PRDM16: variants seen among roughly 807,000 people sequenced by gnomAD.
The protein encoded by PRDM16 is histone-lysine N-methyltransferase PRDM16.
A neutral mutation model predicts 110.6 loss-of-function variants in PRDM16; 23 were observed. The observed-to-expected ratio is 0.21, with a 90% CI of 0.15 to 0.29. The LOEUF (loss-of-function observed/expected upper bound fraction) is 0.29, where lower values mean the gene tolerates loss of function less well. Among genes scored for constraint, PRDM16 ranks in the 10% least tolerant of loss-of-function variants. The probability of loss-of-function intolerance (pLI) is 1.00; values close to 1 mark genes in which losing one functional copy is unlikely to be tolerated. For missense variants in PRDM16, 1,615 were observed against 1,794.3 expected (o/e 0.90, Z 1.81); for synonymous variants, 799 against 781.8 (o/e 1.02, Z -0.37).
chr1:3,303,253 T>A (rs543894823), intron 3 of PRDM16, among the ~76,000 whole-genome samples: 2 of 151,322 alleles, frequency 1.3e-5, no homozygotes, highest in South Asian at 4.3e-4. Context: ...CCCCTGGTAA[T>A]CATGAATGTC....
rs577310645 is a variant in PRDM16, at chr1:3,082,215, T to C, written c.37+12919T>C. 2.6e-5 allele frequency among the ~76,000 whole-genome samples: 4 copies of C among 152,296 alleles called. No homozygotes were observed. The South Asian group carries it at 8.3e-4, about 32-fold the overall frequency. ...GTGGGAGGCCCCCGCGGCCAGGCCC[T>C]CTGCAGTCAGGTCCTGTGCAGTCAG... On this transcript the variant is annotated intron_variant, in intron 1 of 16. Coordinates refer to ENST00000270722, the MANE Select transcript of PRDM16 (RefSeq NM_022114.4).
At chr1:3,234,611 A>G (rs1639498522) in intron 2 of PRDM16, among the ~76,000 whole-genome samples, 1 of 152,188 alleles carries the variant, frequency 6.6e-6, no homozygotes, top group Admixed American at 6.5e-5. Flanking sequence ...GGGCCCCCGC[A>G]GGCTGGATGG....
At chr1:3,400,283 C>T (rs185943859) in intron 5 of PRDM16, among the ~76,000 whole-genome samples, 3 of 152,334 alleles carry the variant, frequency 2.0e-5, no homozygotes, top group South Asian at 4.1e-4. Context: ...CAGGTCGATG[C>T]GGGGCTTCAG....
intron 1 of PRDM16, among the ~76,000 whole-genome samples, chr1:3,082,852 G>A (rs868299028): frequency 1.2e-4 from 18 of 152,198 alleles, no homozygotes; most frequent in African/African-American, 3.4e-4. Flanking sequence ...CCTGGGTGCT[G>A]CGTGGGAGCA....
chr1:3,424,220 A>C (rs1379844238), intron 12 of PRDM16, among the ~76,000 whole-genome samples: 1 of 152,166 alleles, frequency 6.6e-6, no homozygotes, highest in Non-Finnish European at 1.5e-5. Context: ...TCTTCGTTTC[A>C]GGCATGATTT....
chr1:3,369,884 G>A (rs1186798337), intron 3 of PRDM16, among the ~76,000 whole-genome samples: 2 of 152,206 alleles, frequency 1.3e-5, no homozygotes, highest in Admixed American at 1.3e-4. Context: ...ATAGGGATTG[G>A]CAAGGTATTT....
intron 1 of PRDM16, among the ~76,000 whole-genome samples, chr1:3,182,321 C>T (rs2651931): frequency 0.51 from 77,377 of 152,126 alleles, 20,245 homozygotes; most frequent in East Asian, 0.58. Context: ...TAATCCCCCT[C>T]TGAGGGCACT....
chr1:3,163,668 C>A (rs370241207), intron 1 of PRDM16, among the ~76,000 whole-genome samples: 7 of 152,172 alleles, frequency 4.6e-5, no homozygotes, highest in African/African-American at 1.7e-4. Flanking sequence ...AACCCTTGTC[C>A]CGGCCTCCTT....
rs770171838 is a variant in PRDM16 at position 3,411,346 on chromosome 1, T to G, written c.1187-38T>G. ...GTTTTCAGCAGGGTTTCCCGGTCAT[T>G]TCATGCGGGTTTGTCTTGGCTTCTG... On this transcript the variant is annotated intron_variant, in intron 8 of 16. Transcript: ENST00000270722. The G allele has an allele frequency of 5.7e-6, 9 of 1,573,534 alleles. No individual in the cohort carries two copies. In the Middle Eastern group the frequency reaches 8.5e-4, roughly 149 times the overall value.
intron 1 of PRDM16, among the ~76,000 whole-genome samples, chr1:3,145,912 C>G (rs567212276): frequency 6.6e-6 from 1 of 152,236 alleles, no homozygotes; most frequent in Non-Finnish European, 1.5e-5. Flanking sequence ...GTCAGGCTGA[C>G]GTCCTGGAGA....
chr1:3,093,727 G>C (rs1389904443), intron 1 of PRDM16, among the ~76,000 whole-genome samples: 1 of 152,218 alleles, frequency 6.6e-6, no homozygotes, highest in Non-Finnish European at 1.5e-5. Flanking sequence ...CTGCAGCGGA[G>C]AGTGGACAGC....
Position 3,430,860 on chromosome 1 carries a change from G to T in PRDM16, c.3285-12G>T, listed in dbSNP as rs1638744672. ...ACCCAAACTCAGTCAATCTCCTCCTGCATCATTTCAGGGCGGACATGCAGA... is the reference window on the plus strand; with the variant it reads ...ACCCAAACTCAGTCAATCTCCTCCTTCATCATTTCAGGGCGGACATGCAGA... On this transcript the variant is annotated splice_polypyrimidine_tract_variant and intron_variant, in intron 14 of 16. Coordinates refer to ENST00000270722, the MANE Select transcript of PRDM16 (RefSeq NM_022114.4). 5.6e-6 allele frequency: 9 copies of T among 1,613,258 alleles called. No individual in the cohort carries two copies. The highest frequency in any genetic ancestry group is 6.8e-6 in the Non-Finnish European group (8 of 1,179,484).
Position 3,181,019 on chromosome 1 carries a change from TGCGGTCTTACAC to T in PRDM16, c.38-5093_38-5082del, listed in dbSNP as rs77440005. On this transcript the variant is annotated intron_variant, in intron 1 of 16. Transcript: ENST00000270722. ...ACGATCTTACACGCGGTCTTACAAATGCGGTCTTACACGCGGTCTTACACACGCAGTCTTACA... is the reference window on the plus strand; with the variant it reads ...ACGATCTTACACGCGGTCTTACAAATGCGGTCTTACACACGCAGTCTTACA... Among the ~76,000 whole-genome samples, 208 of 113,160 alleles carry T rather than the reference TGCGGTCTTACAC, an allele frequency of 1.8e-3. 2 individuals carry two copies. Among genetic ancestry groups the T allele is most frequent in the Middle Eastern group, 6.9e-3 (1 of 144 alleles). The allele number at this position is 113,160 out of a possible 152,430, so 74.2% of individuals were successfully genotyped here.
chr1:3,394,977 C>T (rs1369715393), intron 4 of PRDM16, among the ~76,000 whole-genome samples: 11 of 152,152 alleles, frequency 7.2e-5, no homozygotes, highest in Non-Finnish European at 1.0e-4. Flanking sequence ...ACTTACCTGA[C>T]GCCCCATAAG....
intron 1 of PRDM16, among the ~76,000 whole-genome samples, chr1:3,109,625 C>G (rs925098050): frequency 2.6e-5 from 4 of 152,232 alleles, no homozygotes; most frequent in Non-Finnish European, 4.4e-5. Flanking sequence ...GGCTTTTCAT[C>G]TGGGCAAGAA....
Position 3,430,931 on chromosome 1 carries a change from A to T in PRDM16, c.3344A>T (p.Gln1115Leu). ...TGTCCAGGCCTAGCCAGTGAGAAGCAGGAGGACGTGGAGGAGGAGGACGAC... is the reference window on the plus strand; with the variant it reads ...TGTCCAGGCCTAGCCAGTGAGAAGCTGGAGGACGTGGAGGAGGAGGACGAC... ...AQCPGLASEK[Q>L]EDVEEEDDDD... The change falls in exon 15 of 17, where the codon CAG becomes CTG. Residue 1115 changes from glutamine (Q) to leucine (L), a missense_variant. This residue lies in a region of PRDM16 where 327 missense variants were observed against 359.3 expected (regional missense o/e 0.91). Transcript: ENST00000270722. 6.2e-7 allele frequency: 1 copy of T among 1,614,134 alleles called. No individual in the cohort carries two copies. Among genetic ancestry groups the T allele is most frequent in the Non-Finnish European group, 8.5e-7 (1 of 1,180,008 alleles).
intron 2 of PRDM16, among the ~76,000 whole-genome samples, chr1:3,224,678 G>A (rs1639246419): frequency 6.6e-6 from 1 of 152,234 alleles, no homozygotes; most frequent in Admixed American, 6.5e-5. Context: ...GGCCCCAAGG[G>A]GGATGATGAG....
chr1:3,241,055 G>A (rs911729177), intron 2 of PRDM16, among the ~76,000 whole-genome samples: 6 of 152,230 alleles, frequency 3.9e-5, no homozygotes, highest in African/African-American at 1.4e-4. Context: ...TCAGCGGAGC[G>A]GCGGCTCAGG....
chr1:3,173,565 G>T (rs1445420375), intron 1 of PRDM16, among the ~76,000 whole-genome samples: 1 of 152,242 alleles, frequency 6.6e-6, no homozygotes, highest in Non-Finnish European at 1.5e-5. Flanking sequence ...GCTGGGAGGG[G>T]CGTTCGTGGG....
Sources: gnomAD v4.1 joint callset for allele counts (sites outside exome capture counted in the v4.1 genomes callset) on GRCh38, gnomAD v4.1.1 for gene constraint, gnomAD v4.1.1 regional missense constraint, MANE v1.5 for transcripts, NCBI Gene and HGNC (gene_info 2026-07-23, HGNC 2026-07-21) for gene names.